The following CCDC150 variants were observed in gnomAD, a reference collection of about 807,000 sequenced individuals.
The protein encoded by CCDC150 is coiled-coil domain containing 150, also known as coiled-coil domain-containing protein 150.
CCDC150 carries 151 observed loss-of-function variants against 156.5 expected under a neutral mutation model. The observed-to-expected ratio is 0.97, with a 90% CI of 0.85 to 1.10. The LOEUF (loss-of-function observed/expected upper bound fraction) is 1.10. CCDC150 is among the 50% of genes least tolerant of loss of function. The pLI, the probability that CCDC150 is intolerant of heterozygous loss-of-function variation, is 0.00. For missense variants in CCDC150, 1,312 were observed against 1,268.1 expected (o/e 1.03, Z -0.53); for synonymous variants, 452 against 429.4 (o/e 1.05, Z -0.65).
chr2:196,729,677 C>T, intron 23 of CCDC150, 116 bp from the exon 24 acceptor site: 1 of 751,692 alleles, frequency 1.3e-6, no homozygotes, highest in Non-Finnish European at 2.2e-6. Context: ...GAAAGCTCAG[C>T]AGGAACTGGT....
chr2:196,668,019 G>A (rs1693954062), intron 7 of CCDC150: 1 of 152,206 alleles, frequency 6.6e-6, no homozygotes, highest in Non-Finnish European at 1.5e-5. Context: ...TACAAAAGGG[G>A]TTGAGCGTGG....
rs116247076 is a variant in CCDC150, at chr2:196,639,947, C to A, written c.12+169C>A. Reference sequence around the variant, plus strand: ...TTTAAGGCGCTTTGGCGTTGGCTGCCGGTGAAAGCCATTTAGGAGCGAAGT... The same window carrying A: ...TTTAAGGCGCTTTGGCGTTGGCTGCAGGTGAAAGCCATTTAGGAGCGAAGT... On this transcript the variant is annotated intron_variant, in intron 1 of 27. Coordinates refer to ENST00000389175, the MANE Select transcript of CCDC150 (RefSeq NM_001080539.2). Among the ~76,000 whole-genome samples, 1,066 of 152,312 alleles carry A rather than the reference C, an allele frequency of 7.0e-3. 18 individuals are homozygous for A. Among genetic ancestry groups the A allele is most frequent in the African/African-American group, 0.025 (1,023 of 41,574 alleles).
intron 13 of CCDC150, among the ~76,000 whole-genome samples, chr2:196,679,704 A>G (rs962792867): frequency 2.6e-5 from 4 of 152,232 alleles, no homozygotes; most frequent in African/African-American, 4.8e-5. Context: ...CTGTTTTTCA[A>G]ACAATCTGTA....
At chr2:196,708,763 T>C (rs1197194969) in intron 15 of CCDC150, among the ~76,000 whole-genome samples, 1 of 152,242 alleles carries the variant, frequency 6.6e-6, no homozygotes, top group Non-Finnish European at 1.5e-5. Flanking sequence ...CCTTCACTTA[T>C]GAAGCTTAAT....
chr2:196,692,918 C>G (rs930502759), intron 13 of CCDC150, among the ~76,000 whole-genome samples: 1 of 152,108 alleles, frequency 6.6e-6, no homozygotes, highest in African/African-American at 2.4e-5. Flanking sequence ...CAGTGGAATG[C>G]TAAAATCTCC....
At chr2:196,688,064 T>C (rs908162974) in intron 13 of CCDC150, among the ~76,000 whole-genome samples, 5 of 152,170 alleles carry the variant, frequency 3.3e-5, no homozygotes, top group Non-Finnish European at 7.3e-5. Context: ...TCTTTTTGCT[T>C]AGGATTTTCT....
intron 1 of CCDC150, among the ~76,000 whole-genome samples, chr2:196,641,689 T>C (rs1533659): frequency 0.92 from 139,425 of 151,492 alleles, 64,261 homozygotes; most frequent in East Asian, 0.98. Flanking sequence ...GCCCCCCGCC[T>C]CATTGCCTAT....
intron 15 of CCDC150, among the ~76,000 whole-genome samples, chr2:196,704,603 A>G (rs1455298673): frequency 6.6e-6 from 1 of 152,092 alleles, no homozygotes; most frequent in Non-Finnish European, 1.5e-5. Flanking sequence ...CACAACATGC[A>G]GGTTTGTTAC....
In CCDC150 at chr2:196,676,237, A is replaced by G. The variant is rs765702462; in HGVS notation, c.1232A>G (p.Gln411Arg). 3.1e-5 allele frequency: 50 copies of G among 1,613,578 alleles called. No individual in the cohort carries two copies. Among genetic ancestry groups the G allele is most frequent in the Non-Finnish European group, 4.1e-5 (48 of 1,179,674 alleles). The change falls in exon 11 of 28, where the codon CAG (glutamine) becomes CGG (arginine). Residue 411 changes from glutamine (Q) to arginine (R), a missense_variant. By Grantham distance (43) the Gln-to-Arg change is conservative (BLOSUM62 1). Coordinates refer to ENST00000389175, the MANE Select transcript of CCDC150 (RefSeq NM_001080539.2). ...ASITNELQTV[Q>R]NEKTQLQAHL... Reference sequence around the variant, plus strand: ...ATCACAAATGAACTACAGACTGTTCAGAATGAGAAAACCCAACTCCAGGCA... The same window carrying G: ...ATCACAAATGAACTACAGACTGTTCGGAATGAGAAAACCCAACTCCAGGCA...
rs1421852692 is a variant in CCDC150, at chr2:196,729,982, G to A, written c.2846G>A (p.Cys949Tyr). The stretch of plus-strand genomic sequence containing the variant: ...TCTTTGAGTATCCAGAGATTTGTGT[G>A]TGAAATGACTAACCTGCAGAAAGAG... ...EQSLSIQRFV[C>Y]EMTNLQKEMQ... Residue 949 changes from cysteine (C) to tyrosine (Y), a missense_variant, in exon 25 of 28, where the codon TGT (cysteine) becomes TAT (tyrosine). Coordinates refer to ENST00000389175, the MANE Select transcript of CCDC150 (RefSeq NM_001080539.2). 1 of 1,613,322 alleles carries A rather than the reference G, an allele frequency of 6.2e-7. No individual in the cohort carries two copies. The highest frequency in any genetic ancestry group is 1.1e-5 in the South Asian group (1 of 90,832).
At chr2:196,643,937 G>A (rs896084180) in intron 1 of CCDC150, among the ~76,000 whole-genome samples, 1 of 152,202 alleles carries the variant, frequency 6.6e-6, no homozygotes, top group Non-Finnish European at 1.5e-5. Flanking sequence ...TTTTGCCCAA[G>A]TGTCAACATA....
In CCDC150 at chr2:196,676,700, T is replaced by C; in HGVS notation, c.1409T>C (p.Leu470Pro). 1 of 1,613,494 alleles carries C rather than the reference T, an allele frequency of 6.2e-7. No individual in the cohort carries two copies. ...GCATCAATGCAAGAGAAGAAGTCTC[T>C]GCTAGAGGAGAAAGAAAGATTTCAG... ...LEASMQEKKS[L>P]LEEKERFQRE... The change falls in exon 12 of 28, where the codon CTG becomes CCG. Residue 470 changes from leucine to proline, a missense_variant. Coordinates refer to ENST00000389175, the MANE Select transcript of CCDC150 (RefSeq NM_001080539.2).
At chr2:196,691,327 T>C (rs1192973331) in intron 13 of CCDC150, among the ~76,000 whole-genome samples, 1 of 152,216 alleles carries the variant, frequency 6.6e-6, no homozygotes, top group African/African-American at 2.4e-5. Flanking sequence ...GCTGTGAATC[T>C]GTCTGATGCT....
At position 196,674,264 on chromosome 2, in the gene CCDC150, A is replaced by G; in HGVS notation, c.1053A>G (p.Lys351=). ...KAQVLNDQLT[K]KCSELSCMLQ... ...AGGTTTTGAATGACCAATTGACTAA[A>G]AAGTGTTCAGAGTTGAGCTGCATGC... The change falls in exon 10 of 28, where the codon AAA becomes AAG. Residue 351 remains lysine, a synonymous_variant. Coordinates refer to ENST00000389175, the MANE Select transcript of CCDC150 (RefSeq NM_001080539.2). The G allele has an allele frequency of 1.2e-6, 2 of 1,600,872 alleles. No individual in the cohort carries two copies. The highest frequency in any genetic ancestry group is 2.7e-5 in the African/African-American group (2 of 74,806).
At chr2:196,658,760 T>C (rs918242899) in intron 4 of CCDC150, 32 bp from the exon 5 acceptor site, 1 of 1,509,080 alleles carries the variant, frequency 6.6e-7, no homozygotes, top group South Asian at 1.2e-5. Context: ...TCATTTCAGA[T>C]TATTTAGAAT....
chr2:196,648,908 T>C (rs1369672130), intron 2 of CCDC150, among the ~76,000 whole-genome samples: 1 of 152,180 alleles, frequency 6.6e-6, no homozygotes, highest in Non-Finnish European at 1.5e-5. Flanking sequence ...CTTTCCCCAT[T>C]GTGTATTCTT....
At chr2:196,687,100 G>A (rs1695168154) in intron 13 of CCDC150, among the ~76,000 whole-genome samples, 1 of 152,146 alleles carries the variant, frequency 6.6e-6, no homozygotes. Flanking sequence ...ATAATAGAAT[G>A]ATGTATATTC....
At chr2:196,686,963 T>A (rs1030744508) in intron 13 of CCDC150, among the ~76,000 whole-genome samples, 2 of 152,246 alleles carry the variant, frequency 1.3e-5, no homozygotes, top group African/African-American at 4.8e-5. Context: ...GGCTGCATAG[T>A]ATTCCATGGT....
At position 196,690,411 on chromosome 2, in the gene CCDC150, C is replaced by T. The variant is rs1357276683; in HGVS notation, c.1510-4635C>T. Among the ~76,000 whole-genome samples the T allele has an allele frequency of 3.3e-5, 5 of 152,134 alleles. No homozygotes were observed. The East Asian group carries it at 5.8e-4, about 18-fold the overall frequency. ...AATAAAATAAAAAACCTACCTAAAA[C>T]GTTTTAATTGTACATATACTTGAAG... On this transcript the variant is annotated intron_variant, in intron 13 of 27. Transcript: ENST00000389175.
Sources: gnomAD v4.1 joint callset for allele counts (sites outside exome capture counted in the v4.1 genomes callset) on GRCh38, gnomAD v4.1.1 for gene constraint, MANE v1.5 for transcripts, NCBI Gene and HGNC (gene_info 2026-07-23, HGNC 2026-07-21) for gene names.